Variants in ANKRD6 observed in about 807,000 individuals in gnomAD.
The protein encoded by ANKRD6 is ankyrin repeat domain 6, also known as ankyrin repeat domain-containing protein 6.
Under a neutral mutation model 82.3 loss-of-function variants are expected in ANKRD6, and 56 were observed. That is an observed-to-expected ratio of 0.68 (90% CI 0.55 to 0.85). The LOEUF is 0.85. ANKRD6 is among the 40% of genes least tolerant of loss of function. The pLI is 0.00. For missense variants in ANKRD6, 852 were observed against 907.6 expected (o/e 0.94, Z 0.79); for synonymous variants, 347 against 352.1 (o/e 0.99, Z 0.16).
intron 2 of ANKRD6, among the ~76,000 whole-genome samples, chr6:89,583,972 T>C (rs1224430229): frequency 6.6e-6 from 1 of 152,238 alleles, no homozygotes; most frequent in Non-Finnish European, 1.5e-5. Context: ...TTTGTCCATA[T>C]TGCATCCTGT....
At chr6:89,497,654 T>TTCTC (rs1229847043) in intron 1 of ANKRD6, among the ~76,000 whole-genome samples, 2 of 151,316 alleles carry the variant, frequency 1.3e-5, no homozygotes, top group South Asian at 2.1e-4. Context: ...ATATGTTTTT[T>TTCTC]TCTCTCTCTC....
chr6:89,499,413 C>T (rs1779017383), intron 1 of ANKRD6, among the ~76,000 whole-genome samples: 1 of 152,144 alleles, frequency 6.6e-6, no homozygotes, highest in South Asian at 2.1e-4. Context: ...ATGTGTTTGT[C>T]ACCTTTTTGC....
At chr6:89,519,868 A>G (rs544528178) in intron 1 of ANKRD6, among the ~76,000 whole-genome samples, 1 of 152,358 alleles carries the variant, frequency 6.6e-6, no homozygotes, top group African/African-American at 2.4e-5. Context: ...ATCTCCAACT[A>G]AACAAATTAT....
At chr6:89,624,202 C>G in intron 12 of ANKRD6, 145 bp downstream of exon 12, 5 of 959,570 alleles carry the variant, frequency 5.2e-6, no homozygotes, top group Non-Finnish European at 7.6e-6. Flanking sequence ...GGCCTCCCCA[C>G]CTGCACGGTG....
intron 2 of ANKRD6, among the ~76,000 whole-genome samples, chr6:89,591,261 A>C (rs1023304245): frequency 3.3e-5 from 5 of 151,738 alleles, no homozygotes; most frequent in Non-Finnish European, 5.9e-5. Flanking sequence ...ACAAAACAAC[A>C]CTCAGCTAAT....
At chr6:89,521,311 G>A (rs1459450245) in intron 1 of ANKRD6, among the ~76,000 whole-genome samples, 3 of 152,130 alleles carry the variant, frequency 2.0e-5, no homozygotes, top group Non-Finnish European at 2.9e-5. Flanking sequence ...TAGCAGGTCA[G>A]GGAAGGCCTC....
intron 3 of ANKRD6, among the ~76,000 whole-genome samples, chr6:89,600,105 C>A (rs1796780914): frequency 6.6e-6 from 1 of 152,172 alleles, no homozygotes; most frequent in Non-Finnish European, 1.5e-5. Flanking sequence ...TTGAGTCTTG[C>A]TAGTCTGGAA....
At chr6:89,605,453 A>G (rs1303351336) in intron 4 of ANKRD6, among the ~76,000 whole-genome samples, 1 of 152,128 alleles carries the variant, frequency 6.6e-6, no homozygotes, top group Non-Finnish European at 1.5e-5. Flanking sequence ...GTCCCTGTTC[A>G]TTATTTGTTT....
Position 89,622,011 on chromosome 6 carries a change from G to A in ANKRD6, c.882G>A (p.Glu294=), listed in dbSNP as rs773124395. Residue 294 remains glutamate (E), a synonymous_variant, in exon 10 of 16, where the codon GAG becomes GAA. Transcript: ENST00000339746. ...ERRAQSVPRD[E]VAQSKGSVSA... is the part of the protein sequence containing the mutation. ...GAGCCCAGTCTGTGCCAAGAGATGAGGTGGCCCAAAGCAAGGTGGGGGGCA... is the reference window on the plus strand; with the variant it reads ...GAGCCCAGTCTGTGCCAAGAGATGAAGTGGCCCAAAGCAAGGTGGGGGGCA... The A allele has an allele frequency of 6.2e-6, 10 of 1,612,336 alleles. No individual in the cohort carries two copies. The highest frequency in any genetic ancestry group is 7.6e-6 in the Non-Finnish European group (9 of 1,179,848).
Position 89,627,692 on chromosome 6 carries a change from G to T in ANKRD6, c.1481G>T (p.Arg494Leu). 2 of 1,613,626 alleles carry T rather than the reference G, an allele frequency of 1.2e-6. No individual in the cohort carries two copies. The highest frequency in any genetic ancestry group is 2.2e-5 in the South Asian group (2 of 91,030). Reference protein sequence around the residue: ...SDTEKHEGEKRQISLVDELKT... With the variant: ...SDTEKHEGEKLQISLVDELKT... Reference sequence around the variant, plus strand: ...ACAGAGAAGCATGAGGGGGAGAAACGACAGGTAGGAACCAGCATCTGCTAG... The same window carrying T: ...ACAGAGAAGCATGAGGGGGAGAAACTACAGGTAGGAACCAGCATCTGCTAG... The change falls in exon 14 of 16, where the codon CGA (arginine) becomes CTA (leucine). Residue 494 changes from arginine to leucine, a missense_variant. Arg to Leu is a moderately radical substitution (Grantham distance 102). Transcript: ENST00000339746.
chr6:89,510,574 A>G (rs1171195131), intron 1 of ANKRD6, among the ~76,000 whole-genome samples: 1 of 152,192 alleles, frequency 6.6e-6, no homozygotes, highest in African/African-American at 2.4e-5. Context: ...CTTAAAGTGT[A>G]TAATTCTGTG....
intron 1 of ANKRD6, among the ~76,000 whole-genome samples, chr6:89,519,936 T>C (rs1781691840): frequency 6.6e-6 from 1 of 152,226 alleles, no homozygotes; most frequent in Non-Finnish European, 1.5e-5. Flanking sequence ...TGGAAAGAGG[T>C]TGGCAAATGA....
At chr6:89,490,431 G>A (rs940174891) in intron 1 of ANKRD6, among the ~76,000 whole-genome samples, 3 of 152,234 alleles carry the variant, frequency 2.0e-5, no homozygotes, top group African/African-American at 7.2e-5. Context: ...GATACAGATA[G>A]ATTCTTTTAT....
At chr6:89,540,158 A>AT (rs1784302042) in intron 1 of ANKRD6, among the ~76,000 whole-genome samples, 1 of 152,056 alleles carries the variant, frequency 6.6e-6, no homozygotes, top group African/African-American at 2.4e-5. Context: ...CAGCAGTGGG[A>AT]TTGCTGGATC....
At chr6:89,454,803 G>A (rs889594887) in intron 1 of ANKRD6, among the ~76,000 whole-genome samples, 48 of 151,890 alleles carry the variant, frequency 3.2e-4, no homozygotes, top group African/African-American at 1.1e-3. Flanking sequence ...TTTAGATAAC[G>A]TAGTTTGGTG....
intron 2 of ANKRD6, among the ~76,000 whole-genome samples, chr6:89,591,963 CAG>C (rs1219855083): frequency 6.6e-6 from 1 of 152,188 alleles, no homozygotes; most frequent in African/African-American, 2.4e-5. Flanking sequence ...TCCTTGCTGA[CAG>C]GGAGCCTGAG....
chr6:89,462,764 C>G (rs1056737548), intron 1 of ANKRD6, among the ~76,000 whole-genome samples: 2 of 151,826 alleles, frequency 1.3e-5, no homozygotes, highest in Non-Finnish European at 2.9e-5. Context: ...TAACAAATCT[C>G]TTAAGTTACT....
Position 89,623,460 on chromosome 6 carries a change from A to C in ANKRD6, c.948A>C (p.Arg316Ser), listed in dbSNP as rs777852743. 1 of 1,610,068 alleles carries C rather than the reference A, an allele frequency of 6.2e-7. No individual in the cohort carries two copies. The highest frequency in any genetic ancestry group is 2.2e-5 in the East Asian group (1 of 44,790). The change falls in exon 11 of 16, where the codon AGA (arginine) becomes AGC (serine). Residue 316 changes from arginine (R) to serine (S), a missense_variant. Transcript: ENST00000339746. ...CCAGCAGTGAACAGGCTGTGGCCAG[A>C]AAAGAAGAAGCCAGAGAAGAGTTCC... ...DTPSSEQAVA[R>S]KEEAREEFLS...
intron 7 of ANKRD6, among the ~76,000 whole-genome samples, chr6:89,615,993 T>G (rs567320310): frequency 6.6e-6 from 1 of 152,350 alleles, no homozygotes; most frequent in East Asian, 1.9e-4. Flanking sequence ...TCTTGGTGTT[T>G]CCACCCGCAC....
Sources: gnomAD v4.1 joint callset for allele counts (sites outside exome capture counted in the v4.1 genomes callset) on GRCh38, gnomAD v4.1.1 for gene constraint, MANE v1.5 for transcripts, NCBI Gene and HGNC (gene_info 2026-07-23, HGNC 2026-07-21) for gene names.